Variants in KDM4C observed in about 807,000 individuals in gnomAD.
KDM4C encodes the protein lysine-specific demethylase 4C.
KDM4C carries 81 observed loss-of-function variants against 129.3 expected under a neutral mutation model. That is an observed-to-expected ratio of 0.63 (90% CI 0.52 to 0.75). The LOEUF (loss-of-function observed/expected upper bound fraction) is 0.75, where lower values mean the gene tolerates loss of function less well. Among genes scored for constraint, KDM4C ranks in the 30% least tolerant of loss-of-function variants. The probability of loss-of-function intolerance (pLI) is 0.00; values close to 1 mark genes in which losing one functional copy is unlikely to be tolerated. For synonymous variants in KDM4C, 573 were observed against 456.1 expected, an observed-to-expected ratio of 1.26 and a Z score of -3.26; for missense variants, 1,457 against 1,304.0, an observed-to-expected ratio of 1.12 and a Z score of -1.81.
chr9:7,169,951 G>C, intron 21 of KDM4C, 61 bp downstream of exon 21: 2 of 1,609,844 alleles, frequency 1.2e-6, no homozygotes, highest in Non-Finnish European at 1.7e-6. Flanking sequence ...CTCACCTCAT[G>C]TTTCCCAAGC....
At chr9:7,007,116 C>A (rs1313107836) in intron 12 of KDM4C, among the ~76,000 whole-genome samples, 1 of 152,218 alleles carries the variant, frequency 6.6e-6, no homozygotes, top group African/African-American at 2.4e-5. Context: ...AGCCCTCTTA[C>A]ATAGGATGGC....
intron 8 of KDM4C, among the ~76,000 whole-genome samples, chr9:6,923,944 C>T (rs1048836313): frequency 1.3e-5 from 2 of 152,226 alleles, no homozygotes; most frequent in Middle Eastern, 3.4e-3. Context: ...TGCAGCCTTT[C>T]AGGTGGGGCA....
chr9:7,096,596 G>T (rs189091695), intron 17 of KDM4C, among the ~76,000 whole-genome samples: 19 of 152,320 alleles, frequency 1.2e-4, no homozygotes, highest in African/African-American at 4.6e-4. Flanking sequence ...CCCTACCTGG[G>T]AGACTAGAGG....
intron 5 of KDM4C, among the ~76,000 whole-genome samples, chr9:6,850,368 G>A (rs759974042): frequency 5.3e-5 from 8 of 152,206 alleles, no homozygotes; most frequent in Non-Finnish European, 1.2e-4. Flanking sequence ...GTAGTTAGGA[G>A]TGAAGAGCTG....
At chr9:6,800,732 T>C (rs1432199688) in intron 2 of KDM4C, among the ~76,000 whole-genome samples, 1 of 151,972 alleles carries the variant, frequency 6.6e-6, no homozygotes, top group Admixed American at 6.6e-5. Flanking sequence ...GCTCAAGCAG[T>C]CGCCCCACCT....
chr9:6,755,967 T>A (rs1182513493), upstream of KDM4C, among the ~76,000 whole-genome samples: 1 of 152,200 alleles, frequency 6.6e-6, no homozygotes, highest in Admixed American at 6.6e-5. Context: ...TTAGCAAGGT[T>A]CGTATATCCA....
intron 17 of KDM4C, among the ~76,000 whole-genome samples, chr9:7,094,104 A>G (rs1836129423): frequency 6.6e-6 from 1 of 152,244 alleles, no homozygotes; most frequent in Non-Finnish European, 1.5e-5. Flanking sequence ...CCAGTGAAGC[A>G]ACTAAGCTTG....
intron 1 of KDM4C, among the ~76,000 whole-genome samples, 187 bp from the exon 2 acceptor site, chr9:6,792,785 G>A (rs1017723378): frequency 2.0e-5 from 3 of 152,180 alleles, no homozygotes; most frequent in African/African-American, 7.2e-5. Flanking sequence ...CAAGAGGAAT[G>A]ACTAGAGGCC....
intron 19 of KDM4C, among the ~76,000 whole-genome samples, chr9:7,150,416 C>T (rs112300297): frequency 2.6e-5 from 4 of 152,346 alleles, no homozygotes; most frequent in African/African-American, 9.6e-5. Flanking sequence ...GTTCCCACCT[C>T]TTTGCCTAAC....
chr9:7,144,959 C>T (rs2129967782), intron 19 of KDM4C, among the ~76,000 whole-genome samples: 1 of 152,360 alleles, frequency 6.6e-6, no homozygotes, highest in South Asian at 2.1e-4. Context: ...TTTTCTACCA[C>T]AGTGGCTGAG....
At chr9:7,083,254 T>C (rs1304609955) in intron 17 of KDM4C, among the ~76,000 whole-genome samples, 1 of 152,256 alleles carries the variant, frequency 6.6e-6, no homozygotes, top group Admixed American at 6.5e-5. Context: ...TGATTGTTCC[T>C]AATCTGTAAA....
At chr9:7,125,709 G>C (rs1839964088) in intron 18 of KDM4C, among the ~76,000 whole-genome samples, 1 of 152,216 alleles carries the variant, frequency 6.6e-6, no homozygotes, top group South Asian at 2.1e-4. Flanking sequence ...ATCCATGCAA[G>C]AAAAGACTGG....
At chr9:6,736,830 C>T (rs1202198662) in intron 1 of KDM4C, among the ~76,000 whole-genome samples, 5 of 152,024 alleles carry the variant, frequency 3.3e-5, no homozygotes, top group Non-Finnish European at 7.4e-5. Context: ...TCTGGGGGAT[C>T]ACTTGAGACC....
chr9:6,923,609 A>G (rs1821944446), intron 8 of KDM4C, among the ~76,000 whole-genome samples: 1 of 152,238 alleles, frequency 6.6e-6, no homozygotes, highest in African/African-American at 2.4e-5. Context: ...AGAACATAGA[A>G]TACCCATACA....
At chr9:7,025,560 A>G (rs746417470) in intron 15 of KDM4C, among the ~76,000 whole-genome samples, 13 of 152,252 alleles carry the variant, frequency 8.5e-5, no homozygotes, top group Non-Finnish European at 1.5e-4. Flanking sequence ...AGTCTTGCAA[A>G]TATTATCTTA....
chr9:6,923,825 G>A (rs1402110544), intron 8 of KDM4C, among the ~76,000 whole-genome samples: 1 of 152,020 alleles, frequency 6.6e-6, no homozygotes, highest in African/African-American at 2.4e-5. Flanking sequence ...TTCTCTTTTT[G>A]GGGGCAGAGA....
chr9:6,760,587 T>G (rs1200054826), intron 1 of KDM4C, among the ~76,000 whole-genome samples: 3 of 150,750 alleles, frequency 2.0e-5, no homozygotes, highest in African/African-American at 7.3e-5. Flanking sequence ...TATTTATTTT[T>G]TGAGACGAAG....
chr9:6,755,697 G>A (rs1221789723), upstream of KDM4C, among the ~76,000 whole-genome samples: 2 of 152,146 alleles, frequency 1.3e-5, no homozygotes, highest in East Asian at 3.8e-4. Flanking sequence ...TTGCAATTGG[G>A]ATTTAAACAA....
chr9:7,094,125 C>T (rs780094803), intron 17 of KDM4C, among the ~76,000 whole-genome samples: 9 of 152,164 alleles, frequency 5.9e-5, no homozygotes, highest in Non-Finnish European at 1.3e-4. Context: ...GAGAAGTGAC[C>T]CATTGTTCTA....
Sources: gnomAD v4.1 joint callset for allele counts (sites outside exome capture counted in the v4.1 genomes callset) on GRCh38, gnomAD v4.1.1 for gene constraint, MANE v1.5 for transcripts, NCBI Gene and HGNC (gene_info 2026-07-23, HGNC 2026-07-21) for gene names.